Variants in CAST observed in about 807,000 individuals in gnomAD.
CAST encodes the protein MIR583 host.
A neutral mutation model predicts 119.6 loss-of-function variants in CAST; 76 were observed. The observed-to-expected ratio is 0.64, with a 90% CI of 0.53 to 0.77. The LOEUF is 0.77. Among genes scored for constraint, CAST ranks in the 30% least tolerant of loss-of-function variants. The pLI is 0.00. For missense variants in CAST, 953 were observed against 946.5 expected, an observed-to-expected ratio of 1.01 and a Z score of -0.09; for synonymous variants, 319 against 331.6, an observed-to-expected ratio of 0.96 and a Z score of 0.41.
At chr5:96,365,470 T>C in the CAST span, among the ~76,000 whole-genome samples, 28 of 152,370 alleles carry the variant, frequency 1.8e-4, no homozygotes, top group African/African-American at 6.5e-4. Flanking sequence ...AGTCTCTTTG[T>C]AGGTCTCTAA....
the CAST span, among the ~76,000 whole-genome samples, chr5:96,365,246 A>G: frequency 6.6e-6 from 1 of 152,286 alleles, no homozygotes; most frequent in African/African-American, 2.4e-5. Context: ...ACTTCCAACT[A>G]TGTGGTCAAT....
chr5:95,982,704 T>C, the CAST span, among the ~76,000 whole-genome samples: 1 of 152,208 alleles, frequency 6.6e-6, no homozygotes, highest in South Asian at 2.1e-4. Context: ...TGCACCAAAT[T>C]TTGCTTCATA....
intron 1 of CAST, among the ~76,000 whole-genome samples, chr5:96,542,551 A>C (rs192386070): frequency 6.7e-6 from 1 of 149,762 alleles, no homozygotes; most frequent in African/African-American, 2.5e-5. Context: ...ACATCTTTTC[A>C]TATGATTATT....
At chr5:96,771,738 G>A (rs867964406) in intron 31 of CAST, 36 bp downstream of exon 31, 1 of 1,314,426 alleles carries the variant, frequency 7.6e-7, no homozygotes, top group African/African-American at 1.5e-5. Flanking sequence ...GAAGACAACT[G>A]TATCTTCTGC....
At chr5:96,038,369 C>CT in the CAST span, among the ~76,000 whole-genome samples, 56 of 151,774 alleles carry the variant, frequency 3.7e-4, no homozygotes, top group East Asian at 3.7e-3. Context: ...ATACCCATTC[C>CT]TTTTTTTTAA....
At chr5:96,012,194 AAT>A in the CAST span, among the ~76,000 whole-genome samples, 3 of 152,190 alleles carry the variant, frequency 2.0e-5, no homozygotes, top group African/African-American at 7.2e-5. Context: ...GTTTGTAGTT[AAT>A]GTCACTGCAG....
chr5:96,619,131 T>A (rs1157877782), intron 1 of CAST, among the ~76,000 whole-genome samples: 1 of 152,140 alleles, frequency 6.6e-6, no homozygotes, highest in Non-Finnish European at 1.5e-5. Flanking sequence ...GCTAGAGGAT[T>A]GTAAATGCAC....
chr5:96,017,377 A>T, the CAST span, among the ~76,000 whole-genome samples: 1 of 152,164 alleles, frequency 6.6e-6, no homozygotes, highest in African/African-American at 2.4e-5. Flanking sequence ...TTTGTGTTTC[A>T]TTTCTTAAGT....
At chr5:96,376,778 C>A in the CAST span, among the ~76,000 whole-genome samples, 14 of 152,042 alleles carry the variant, frequency 9.2e-5, no homozygotes, top group African/African-American at 3.1e-4. Flanking sequence ...GAGTGTACTT[C>A]TACATATATA....
chr5:96,490,797 C>T, the CAST span, among the ~76,000 whole-genome samples: 1 of 151,722 alleles, frequency 6.6e-6, no homozygotes, highest in Non-Finnish European at 1.5e-5. Flanking sequence ...ATAAAACTTT[C>T]AGAAGAAAAC....
the CAST span, among the ~76,000 whole-genome samples, chr5:96,446,933 G>T: frequency 6.6e-6 from 1 of 152,204 alleles, no homozygotes; most frequent in African/African-American, 2.4e-5. Flanking sequence ...GCTTCCTGTC[G>T]TTTGGGGGAT....
chr5:96,722,826 T>G, intron 4 of CAST, 128 bp downstream of exon 4: 1 of 696,872 alleles, frequency 1.4e-6, no homozygotes, highest in Middle Eastern at 2.5e-4. Context: ...AGTAAACATT[T>G]TCTTCCTAAT....
At chr5:96,017,136 G>C in the CAST span, among the ~76,000 whole-genome samples, 1 of 151,932 alleles carries the variant, frequency 6.6e-6, no homozygotes, top group Admixed American at 6.6e-5. Context: ...AAGGCCGGCC[G>C]GTTATCTATT....
At chr5:95,998,602 T>C in the CAST span, among the ~76,000 whole-genome samples, 1 of 152,210 alleles carries the variant, frequency 6.6e-6, no homozygotes, top group Non-Finnish European at 1.5e-5. Flanking sequence ...CACTCTTTTT[T>C]ATGGCTAAGT....
the CAST span, among the ~76,000 whole-genome samples, chr5:95,994,378 G>A: frequency 6.6e-6 from 1 of 152,058 alleles, no homozygotes; most frequent in Admixed American, 6.6e-5. Flanking sequence ...AAAACCTTAT[G>A]TTAAAAGAAA....
chr5:96,197,595 A>T, the CAST span, among the ~76,000 whole-genome samples: 1 of 152,166 alleles, frequency 6.6e-6, no homozygotes, highest in Non-Finnish European at 1.5e-5. Context: ...ATGACTGTTG[A>T]CAAGAATATA....
chr5:96,752,562 ATTTTTTTTTTTTTTTT>A (rs869108023), intron 20 of CAST, among the ~76,000 whole-genome samples: 1 of 16,138 alleles, frequency 6.2e-5, no homozygotes, highest in East Asian at 1.2e-3. Flanking sequence ...AACCTCAGGG[ATTTTTTTTTTTTTTTT>A]TTTTTTTTTT....
the CAST span, chr5:96,412,858 G>A: frequency 4.4e-6 from 3 of 681,282 alleles, no homozygotes; most frequent in Non-Finnish European, 5.6e-6. Context: ...GAGAGGAAGT[G>A]GCCGTGATTG....
chr5:96,283,543 C>A, the CAST span, among the ~76,000 whole-genome samples: 1 of 152,224 alleles, frequency 6.6e-6, no homozygotes, highest in East Asian at 1.9e-4. Context: ...AAGTCTCATT[C>A]TGCTGTTTGA....
Sources: allele counts gnomAD v4.1 joint callset (sites outside exome capture counted in the v4.1 genomes callset), GRCh38; gene constraint gnomAD v4.1.1; transcripts MANE v1.5; gene names NCBI Gene and HGNC (gene_info 2026-07-23, HGNC 2026-07-21).